Variants in DRC11 observed in about 807,000 individuals in gnomAD.
The protein encoded by DRC11 is dynein regulatory complex subunit 11.
At chr2:236,344,651 G>A in the DRC11 span, 1 of 1,606,800 alleles carries the variant, frequency 6.2e-7, no homozygotes, top group Non-Finnish European at 8.5e-7. Flanking sequence ...CACCTGCAGA[G>A]GAAAAGGCAG....
chr2:236,465,358 A>G, the DRC11 span: 1 of 681,100 alleles, frequency 1.5e-6, no homozygotes, highest in East Asian at 2.7e-5. This position sits in a 1 kb window ranked among gnomAD's most constrained non-coding sequence, Gnocchi z 6.2. Flanking sequence ...TTAATTTCTG[A>G]ATTCTTAGCC....
the DRC11 span, among the ~76,000 whole-genome samples, chr2:236,364,609 C>T: frequency 6.6e-6 from 1 of 152,114 alleles, no homozygotes; most frequent in Non-Finnish European, 1.5e-5. Flanking sequence ...TGTTCTCCAC[C>T]ACACTGTCAA....
At chr2:236,346,217 G>C in the DRC11 span, among the ~76,000 whole-genome samples, 44 of 152,338 alleles carry the variant, frequency 2.9e-4, no homozygotes, top group Middle Eastern at 0.02. Context: ...CAGTGAATGA[G>C]TTGGCAGACA....
At chr2:236,401,890 C>G in the DRC11 span, among the ~76,000 whole-genome samples, 1 of 152,140 alleles carries the variant, frequency 6.6e-6, no homozygotes, top group Non-Finnish European at 1.5e-5. The surrounding 1 kb of genome is among the most constrained non-coding windows in gnomAD (Gnocchi z 4.6). Context: ...GAATCCCTGA[C>G]CAGCAGAACC....
the DRC11 span, chr2:236,346,850 G>T: frequency 2.4e-5 from 4 of 166,620 alleles, no homozygotes; most frequent in Admixed American, 6.5e-5. Context: ...GGGGTTGGGC[G>T]AGTGGGTTCA....
chr2:236,334,322 G>A, the DRC11 span, among the ~76,000 whole-genome samples: 3 of 152,320 alleles, frequency 2.0e-5, no homozygotes, highest in Non-Finnish European at 2.9e-5. This position sits in a 1 kb window ranked among gnomAD's most constrained non-coding sequence, Gnocchi z 7.8. Flanking sequence ...GAGGCACAGC[G>A]TGGTGGGCTG....
chr2:236,315,273 T>C, the DRC11 span, among the ~76,000 whole-genome samples: 1 of 152,214 alleles, frequency 6.6e-6, no homozygotes, highest in South Asian at 2.1e-4. This position sits in a 1 kb window ranked among gnomAD's most constrained non-coding sequence, Gnocchi z 5.1. Flanking sequence ...CACATATTCA[T>C]ATGGCTCTGA....
At chr2:236,338,158 A>G in the DRC11 span, 2 of 1,570,394 alleles carry the variant, frequency 1.3e-6, no homozygotes, top group Non-Finnish European at 1.7e-6. Context: ...CACAGTGGAC[A>G]GCCCAGCCTC....
chr2:236,456,233 T>C, the DRC11 span, among the ~76,000 whole-genome samples: 1 of 152,178 alleles, frequency 6.6e-6, no homozygotes, highest in South Asian at 2.1e-4. This position sits in a 1 kb window ranked among gnomAD's most constrained non-coding sequence, Gnocchi z 5.4. Context: ...TACAAATCTA[T>C]ATTACTCTAC....
the DRC11 span, among the ~76,000 whole-genome samples, chr2:236,491,211 T>TAC: frequency 4.6e-4 from 18 of 38,768 alleles, 1 homozygote; most frequent in South Asian, 1.0e-3. Flanking sequence ...TATATATATA[T>TAC]ACACACAGTA....
the DRC11 span, among the ~76,000 whole-genome samples, chr2:236,356,049 A>C: frequency 6.6e-6 from 1 of 152,158 alleles, no homozygotes; most frequent in Admixed American, 6.5e-5. Context: ...CAGATGCTGC[A>C]GACCACTGTG....
At chr2:236,436,937 T>C in the DRC11 span, among the ~76,000 whole-genome samples, 1 of 152,162 alleles carries the variant, frequency 6.6e-6, no homozygotes, top group African/African-American at 2.4e-5. Flanking sequence ...TTATAGCTTT[T>C]TTAAAAATTT....
the DRC11 span, among the ~76,000 whole-genome samples, chr2:236,406,281 T>C: frequency 1.2e-4 from 18 of 152,214 alleles, no homozygotes; most frequent in Non-Finnish European, 2.2e-4. This position sits in a 1 kb window ranked among gnomAD's most constrained non-coding sequence, Gnocchi z 4.7. Flanking sequence ...AAATGTTAAC[T>C]ACTGCTATTA....
At chr2:236,480,256 C>T in the DRC11 span, among the ~76,000 whole-genome samples, 1 of 151,998 alleles carries the variant, frequency 6.6e-6, no homozygotes, top group African/African-American at 2.4e-5. Flanking sequence ...CTCTAACCTT[C>T]CTATACTTGG....
the DRC11 span, among the ~76,000 whole-genome samples, chr2:236,416,539 G>A: frequency 6.6e-6 from 1 of 151,404 alleles, no homozygotes; most frequent in Admixed American, 6.6e-5. Context: ...GTGAACATCA[G>A]TGGAACGTGG....
At chr2:236,487,657 G>A in the DRC11 span, among the ~76,000 whole-genome samples, 1 of 152,156 alleles carries the variant, frequency 6.6e-6, no homozygotes, top group Admixed American at 6.5e-5. Context: ...TCCCTCTTCT[G>A]TAATTATATA....
chr2:236,335,178 C>G, the DRC11 span, among the ~76,000 whole-genome samples: 1 of 152,174 alleles, frequency 6.6e-6, no homozygotes, highest in Non-Finnish European at 1.5e-5. This position sits in a 1 kb window ranked among gnomAD's most constrained non-coding sequence, Gnocchi z 5.6. Context: ...GGTGGAGAGA[C>G]AACTAAGCCA....
At chr2:236,390,543 A>T in the DRC11 span, among the ~76,000 whole-genome samples, 1 of 152,190 alleles carries the variant, frequency 6.6e-6, no homozygotes, top group African/African-American at 2.4e-5. The surrounding 1 kb of genome is among the most constrained non-coding windows in gnomAD (Gnocchi z 5.9). Flanking sequence ...TTCTTCTCTG[A>T]AGTTACAAGT....
chr2:236,484,832 A>G, the DRC11 span, among the ~76,000 whole-genome samples: 1 of 152,146 alleles, frequency 6.6e-6, no homozygotes, highest in Non-Finnish European at 1.5e-5. Context: ...CCTTATGGGC[A>G]CTGTGCTGTA....
Sources: gnomAD v4.1 joint callset for allele counts (sites outside exome capture counted in the v4.1 genomes callset) on GRCh38, gnomAD v4.1.1 for gene constraint, Gnocchi (gnomAD v3.1) non-coding constraint, MANE v1.5 for transcripts, NCBI Gene and HGNC (gene_info 2026-07-23, HGNC 2026-07-21) for gene names.